TENM1: variants seen among roughly 807,000 people sequenced by gnomAD.
TENM1 encodes teneurin transmembrane protein 1.
Under a neutral mutation model 174.8 loss-of-function variants are expected in TENM1, and 35 were observed. The observed-to-expected ratio is 0.20, with a 90% CI of 0.15 to 0.27. The LOEUF (loss-of-function observed/expected upper bound fraction) is 0.27, where lower values mean the gene tolerates loss of function less well. Among genes scored for constraint, TENM1 ranks in the 10% least tolerant of loss-of-function variants. The probability of loss-of-function intolerance (pLI) is 1.00; values close to 1 mark genes in which losing one functional copy is unlikely to be tolerated. For synonymous variants in TENM1, 781 were observed against 798.7 expected, an observed-to-expected ratio of 0.98 and a Z score of 0.37; for missense variants, 1,633 against 2,130.1, an observed-to-expected ratio of 0.77 and a Z score of 4.59.
rs1209450078 is a variant in TENM1 at position 124,471,276 on chromosome X, A to ATATAATATATAGTACTATATAT, written c.3949+10434_3949+10455dup. 1.4e-3 allele frequency among the ~76,000 whole-genome samples: 64 copies of ATATAATATATAGTACTATATAT among 45,063 alleles called. 6 individuals carry two copies. Among genetic ancestry groups the ATATAATATATAGTACTATATAT allele is most frequent in the African/African-American group, 6.1e-3 (58 of 9,510 alleles). 39.1% of individuals were successfully genotyped at this position (45,063 alleles called of 115,157 possible). ...TATATATTATAATATATAGTACTAT[A>ATATAATATATAGTACTATATAT]TATAATATATAGTACTATATATTAT... On this transcript the variant is annotated intron_variant, in intron 22 of 31. Transcript: ENST00000422452.
At chrX:124,613,892 T>A (rs1255996034) in intron 11 of TENM1, among the ~76,000 whole-genome samples, 1 of 111,569 alleles carries the variant, frequency 9.0e-6, no homozygotes, top group Non-Finnish European at 1.9e-5. Context: ...TAAGCTTATC[T>A]GGAGTTTGCA....
At chrX:124,959,910 A>G (rs1214753305) in intron 1 of TENM1, among the ~76,000 whole-genome samples, 1 of 111,666 alleles carries the variant, frequency 9.0e-6, no homozygotes, top group East Asian at 2.8e-4. Flanking sequence ...TTGGACCTCT[A>G]ATGCGATTCT....
the TENM1 span, among the ~76,000 whole-genome samples, chrX:125,045,853 C>G: frequency 8.9e-6 from 1 of 111,958 alleles, no homozygotes; most frequent in South Asian, 3.7e-4. Context: ...GCCAAAAACA[C>G]TTTCATCAAT....
chrX:124,964,102 C>T (rs1426699042), upstream of TENM1, among the ~76,000 whole-genome samples: 2 of 112,079 alleles, frequency 1.8e-5, no homozygotes, highest in Non-Finnish European at 3.8e-5. Context: ...TAGAGGACAA[C>T]GTTGTTCTAT....
intron 1 of TENM1, among the ~76,000 whole-genome samples, chrX:124,909,021 G>C (rs939449893): frequency 9.0e-6 from 1 of 111,009 alleles, no homozygotes; most frequent in Non-Finnish European, 1.9e-5. Flanking sequence ...ACCATGCTTG[G>C]CTAATTTTTG....
At chrX:124,653,073 A>G (rs2051350940) in intron 7 of TENM1, among the ~76,000 whole-genome samples, 1 of 111,672 alleles carries the variant, frequency 9.0e-6, no homozygotes, top group Non-Finnish European at 1.9e-5. Flanking sequence ...AATAAGAGAA[A>G]TGAGATGTTT....
the TENM1 span, among the ~76,000 whole-genome samples, chrX:124,977,690 T>C: frequency 9.0e-6 from 1 of 110,720 alleles, no homozygotes; most frequent in Non-Finnish European, 1.9e-5. Context: ...CTGCCTGTTA[T>C]GGACATTTTC....
chrX:124,807,749 A>C (rs939067540), intron 3 of TENM1, among the ~76,000 whole-genome samples: 5 of 111,416 alleles, frequency 4.5e-5, no homozygotes, highest in African/African-American at 1.6e-4. Context: ...AGTTGTGATA[A>C]GCTTAAAATA....
chrX:124,889,181 C>T (rs2057435695), intron 3 of TENM1, among the ~76,000 whole-genome samples: 1 of 111,297 alleles, frequency 9.0e-6, no homozygotes, highest in Admixed American at 9.6e-5. Context: ...TTGACACTGA[C>T]AGCCCTGCAT....
intron 6 of TENM1, among the ~76,000 whole-genome samples, chrX:124,666,579 C>T (rs1248889570): frequency 9.0e-6 from 1 of 111,399 alleles, no homozygotes; most frequent in Non-Finnish European, 1.9e-5. Flanking sequence ...ATAAAACTCT[C>T]TGTCCCTTCT....
At chrX:124,407,282 T>C (rs1195514960) in intron 25 of TENM1, among the ~76,000 whole-genome samples, 1 of 110,350 alleles carries the variant, frequency 9.1e-6, no homozygotes, top group Non-Finnish European at 1.9e-5. Context: ...TGAAAACTGC[T>C]TCCCTGAAGG....
At chrX:124,548,888 T>G (rs1415453910) in intron 14 of TENM1, among the ~76,000 whole-genome samples, 1 of 111,947 alleles carries the variant, frequency 8.9e-6, no homozygotes, top group Admixed American at 9.4e-5. Flanking sequence ...TTTCCCCACA[T>G]GTGGTCCTTT....
rs776598667 is a variant in TENM1, at chrX:124,855,811, T to C, written c.535+38485A>G. On this transcript the variant is annotated intron_variant, in intron 3 of 31. Coordinates refer to ENST00000422452, the Ensembl canonical transcript of TENM1. Reference sequence around the variant, plus strand: ...CACAAGTACAAAAGAGACAGGAAGATTGTGGAAGTGGAAAAATAAAGAAAA... The same window carrying C: ...CACAAGTACAAAAGAGACAGGAAGACTGTGGAAGTGGAAAAATAAAGAAAA... Among the ~76,000 whole-genome samples, 44 of 111,391 alleles carry C rather than the reference T, an allele frequency of 4.0e-4. 1 individual carries two copies. The highest frequency in any genetic ancestry group is 1.3e-3 in the African/African-American group (39 of 30,819).
the TENM1 span, among the ~76,000 whole-genome samples, chrX:125,045,029 G>A: frequency 9.0e-6 from 1 of 111,516 alleles, no homozygotes; most frequent in East Asian, 2.8e-4. Context: ...AGTTCCACAT[G>A]GCTTGAGAGG....
At chrX:124,761,517 G>A (rs1344609999) in intron 3 of TENM1, among the ~76,000 whole-genome samples, 1 of 87,189 alleles carries the variant, frequency 1.1e-5, no homozygotes, top group Non-Finnish European at 2.2e-5. Flanking sequence ...CACAGAGCGG[G>A]GAACATCACA....
chrX:124,910,060 T>C (rs2057811319), intron 1 of TENM1, among the ~76,000 whole-genome samples: 1 of 112,425 alleles, frequency 8.9e-6, no homozygotes, highest in Non-Finnish European at 1.9e-5. Context: ...CTACAGTTTA[T>C]GGTAAAATGT....
At chrX:125,146,764 C>T in the TENM1 span, among the ~76,000 whole-genome samples, 2 of 110,740 alleles carry the variant, frequency 1.8e-5, no homozygotes, top group Non-Finnish European at 3.8e-5. Flanking sequence ...TTGTTTTTGC[C>T]TCCCCAATGC....
At chrX:125,147,155 T>C in the TENM1 span, among the ~76,000 whole-genome samples, 4 of 99,753 alleles carry the variant, frequency 4.0e-5, no homozygotes, top group East Asian at 2.9e-4. Context: ...ATATATCACA[T>C]ATATGTGTGT....
At chrX:124,638,147 A>G (rs922948421) in intron 11 of TENM1, among the ~76,000 whole-genome samples, 2 of 110,750 alleles carry the variant, frequency 1.8e-5, no homozygotes, top group East Asian at 5.7e-4. Context: ...GGAGTGGGGT[A>G]GGGTTTAGGG....
Sources: gnomAD v4.1 joint callset for allele counts (sites outside exome capture counted in the v4.1 genomes callset) on GRCh38, gnomAD v4.1.1 for gene constraint, MANE v1.5 for transcripts, NCBI Gene and HGNC (gene_info 2026-07-23, HGNC 2026-07-21) for gene names.